The following RYR3 variants were observed in gnomAD, a reference collection of about 807,000 sequenced individuals.
RYR3 encodes the protein brain ryanodine receptor-calcium release channel.
Under a neutral mutation model 584.3 loss-of-function variants are expected in RYR3, and 207 were observed. That is an observed-to-expected ratio of 0.35 (90% CI 0.32 to 0.40). The LOEUF (loss-of-function observed/expected upper bound fraction) is 0.40. RYR3 is among the 10% of genes least tolerant of loss of function. The pLI is 1.00. For missense variants in RYR3, 5,616 were observed against 6,089.2 expected, an observed-to-expected ratio of 0.92 and a Z score of 2.59; for synonymous variants, 2,416 against 2,248.5, an observed-to-expected ratio of 1.07 and a Z score of -2.11.
intron 5 of RYR3, 50 bp downstream of exon 5, chr15:33,533,439 A>G: frequency 7.3e-7 from 1 of 1,361,438 alleles, no homozygotes; most frequent in Non-Finnish European, 1.0e-6. Context: ...TCTTGGGCTA[A>G]GGGGCTTTTG....
Position 33,861,166 on chromosome 15 carries a change from T to C in RYR3, c.14453T>C (p.Leu4818Ser). 6.3e-7 allele frequency: 1 copy of C among 1,588,430 alleles called. No homozygotes were observed. Among genetic ancestry groups the C allele is most frequent in the Non-Finnish European group, 8.6e-7 (1 of 1,165,848 alleles). Residue 4818 changes from leucine (L) to serine (S), a missense_variant, in exon 102 of 104, where the codon TTA (leucine) becomes TCA (serine). Leu to Ser is a moderately radical substitution (Grantham distance 145, BLOSUM62 -2). Transcript: ENST00000634891. ...ACACATACATTACAAGAGCACAACT[T>C]AGCCAACTACTTGTGAGTATTCTTG... The part of the protein sequence containing the change: ...FETHTLQEHN[L>S]ANYLFFLMYL...
At chr15:33,514,161 G>A (rs1002096022) in intron 3 of RYR3, among the ~76,000 whole-genome samples, 3 of 152,186 alleles carry the variant, frequency 2.0e-5, no homozygotes, top group Non-Finnish European at 2.9e-5. Flanking sequence ...TGATTGAAGA[G>A]GAAAGGCACT....
At chr15:33,625,575 T>G (rs1374701426) in intron 20 of RYR3, among the ~76,000 whole-genome samples, 1 of 152,114 alleles carries the variant, frequency 6.6e-6, no homozygotes, top group African/African-American at 2.4e-5. Context: ...ATGGACAGAT[T>G]AGCAAGAGAA....
At chr15:33,522,549 T>C (rs1489806613) in intron 3 of RYR3, among the ~76,000 whole-genome samples, 3 of 152,214 alleles carry the variant, frequency 2.0e-5, no homozygotes, top group African/African-American at 7.2e-5. Context: ...AACGATACCT[T>C]ATGCTGTATA....
chr15:33,463,035 A>C (rs978703757), intron 1 of RYR3, among the ~76,000 whole-genome samples: 10 of 151,848 alleles, frequency 6.6e-5, no homozygotes, highest in Non-Finnish European at 1.5e-4. Context: ...AGCCAGGCGC[A>C]CCTTGCCTGT....
chr15:33,457,137 C>T (rs1269755892), intron 1 of RYR3, among the ~76,000 whole-genome samples: 2 of 152,076 alleles, frequency 1.3e-5, no homozygotes, highest in Admixed American at 6.5e-5. Context: ...TTCCCTATTT[C>T]AAATGGAAAA....
In RYR3 at chr15:33,336,548, G is replaced by GAAGGAAAGAA. The variant is rs1567047809; in HGVS notation, c.51+25452_51+25453insAAGGAAAGAA. ...AGGGAAGGAGGGAAGGAGGGAAGGA[G>GAAGGAAAGAA]GGAAGGAAGGAAGAAAAAAGCACCA... is the stretch of plus-strand genomic sequence containing the variant. On this transcript the variant is annotated intron_variant, in intron 1 of 103. Coordinates refer to ENST00000634891, the MANE Select transcript of RYR3 (RefSeq NM_001036.6). Among the ~76,000 whole-genome samples, 3 of 53,760 alleles carry GAAGGAAAGAA rather than the reference G, an allele frequency of 5.6e-5. 1 individual carries two copies. The highest frequency in any genetic ancestry group is 3.3e-5 in the Non-Finnish European group (1 of 30,656). The allele number at this position is 53,760 out of a possible 152,430, so 35.3% of individuals were successfully genotyped here.
intron 85 of RYR3, among the ~76,000 whole-genome samples, chr15:33,829,709 G>A (rs557962566): frequency 6.7e-4 from 101 of 151,070 alleles, no homozygotes; most frequent in Admixed American, 1.7e-3. Context: ...GCCAGATTGC[G>A]CCGCTGCACT....
chr15:33,723,207 T>C (rs905418927), intron 44 of RYR3, among the ~76,000 whole-genome samples: 2 of 152,236 alleles, frequency 1.3e-5, no homozygotes, highest in African/African-American at 4.8e-5. Flanking sequence ...AAGGTTGTAC[T>C]CCTTGTCTAA....
chr15:33,468,058 G>T (rs1409543988), intron 1 of RYR3, among the ~76,000 whole-genome samples: 1 of 152,164 alleles, frequency 6.6e-6, no homozygotes, highest in East Asian at 1.9e-4. Context: ...TTGGTGCCAT[G>T]GTAGAGAACT....
intron 43 of RYR3, among the ~76,000 whole-genome samples, chr15:33,717,657 T>C (rs2067599609): frequency 6.6e-6 from 1 of 152,232 alleles, no homozygotes; most frequent in Admixed American, 6.5e-5. Flanking sequence ...AATAACTTCA[T>C]AATCTCAAAG....
chr15:33,391,931 A>G (rs946159106), intron 1 of RYR3, among the ~76,000 whole-genome samples: 1 of 151,868 alleles, frequency 6.6e-6, no homozygotes, highest in Admixed American at 6.6e-5. Context: ...CACCCACTCT[A>G]CTTGCTTAAT....
chr15:33,773,352 T>G (rs968821508), intron 63 of RYR3, among the ~76,000 whole-genome samples, 182 bp from the exon 64 acceptor site: 3 of 152,196 alleles, frequency 2.0e-5, no homozygotes, highest in African/African-American at 7.2e-5. Context: ...CCTATATTTT[T>G]TTTTTCCTAG....
At position 33,445,477 on chromosome 15, in the gene RYR3, A is replaced by G. The variant is rs554146828; in HGVS notation, c.52-27942A>G. On this transcript the variant is annotated intron_variant, in intron 1 of 103. Transcript: ENST00000634891. ...CCAGCCCAGTAGAGACACATGTCTG[A>G]TTTTTCCTGATCTAGGTCCCCTCTA... Among the ~76,000 whole-genome samples the G allele has an allele frequency of 2.4e-4, 37 of 152,188 alleles. 3 individuals carry two copies. The South Asian group carries it at 4.1e-3, about 17-fold the overall frequency.
intron 43 of RYR3, among the ~76,000 whole-genome samples, chr15:33,712,513 G>T (rs556657166): frequency 1.3e-5 from 2 of 152,176 alleles, no homozygotes; most frequent in Non-Finnish European, 2.9e-5. Flanking sequence ...ATTTTTCTGT[G>T]TACAGTACCC....
At chr15:33,579,106 AT>A (rs1372102728) in intron 12 of RYR3, among the ~76,000 whole-genome samples, 8 of 152,188 alleles carry the variant, frequency 5.3e-5, no homozygotes, top group African/African-American at 1.9e-4. Context: ...GGCAGGTAAC[AT>A]GGGGTTGGGG....
At chr15:33,858,820 G>C (rs2080010103) in intron 99 of RYR3, 1 of 152,258 alleles carries the variant, frequency 6.6e-6, no homozygotes, top group South Asian at 2.1e-4. Context: ...CTCAGGGACA[G>C]GGGACAGTGA....
intron 1 of RYR3, among the ~76,000 whole-genome samples, chr15:33,324,632 GT>G (rs1223061471): frequency 6.6e-6 from 1 of 152,132 alleles, no homozygotes; most frequent in Non-Finnish European, 1.5e-5. Context: ...CAGAAGTTTT[GT>G]TCTTTTCTTT....
chr15:33,852,985 TTGA>T, intron 94 of RYR3, 57 bp from the exon 95 acceptor site: 1 of 1,436,344 alleles, frequency 7.0e-7, no homozygotes, highest in Non-Finnish European at 9.6e-7. Flanking sequence ...GAAACGTTTC[TTGA>T]TGTGTTTTCC....
Sources: gnomAD v4.1 joint callset for allele counts (sites outside exome capture counted in the v4.1 genomes callset) on GRCh38, gnomAD v4.1.1 for gene constraint, MANE v1.5 for transcripts, NCBI Gene and HGNC (gene_info 2026-07-23, HGNC 2026-07-21) for gene names.